Variants in PSMA1 observed in about 807,000 individuals in gnomAD.
PSMA1 encodes the protein proteasome 20S subunit alpha 1, also known as proteasome subunit alpha type-1.
Under a neutral mutation model 38.4 loss-of-function variants are expected in PSMA1, and 3 were observed. The ratio of observed to expected loss-of-function variants is 0.08; its 90% confidence interval spans 0.04 to 0.20. The LOEUF is 0.20. Among genes scored for constraint, PSMA1 ranks in the 10% least tolerant of loss-of-function variants. The pLI is 1.00. For missense variants in PSMA1, 227 were observed against 325.3 expected (o/e 0.70, Z 2.32); for synonymous variants, 101 against 107.1 (o/e 0.94, Z 0.35).
At chr11:14,632,310 G>A (rs1222475355) in intron 1 of PSMA1, among the ~76,000 whole-genome samples, 2 of 149,440 alleles carry the variant, frequency 1.3e-5, no homozygotes, top group Admixed American at 6.6e-5. Context: ...GGTACCGGTT[G>A]TTCCTTTCCA....
At chr11:14,514,127 T>C in intron 5 of PSMA1, 1 of 1,324,686 alleles carries the variant, frequency 7.5e-7, no homozygotes, top group Non-Finnish European at 9.6e-7. Context: ...TTGTTTTGGA[T>C]ACAAGGGGTC....
At chr11:14,641,016 G>A (rs1853192352) in intron 1 of PSMA1, among the ~76,000 whole-genome samples, 1 of 152,138 alleles carries the variant, frequency 6.6e-6, no homozygotes, top group South Asian at 2.1e-4. Flanking sequence ...CAGGAGAGTG[G>A]AGAGATCCAC....
At chr11:14,506,230 A>C (rs1333142447) in intron 9 of PSMA1, among the ~76,000 whole-genome samples, 2 of 152,184 alleles carry the variant, frequency 1.3e-5, no homozygotes, top group Non-Finnish European at 2.9e-5. Context: ...AATATCATTG[A>C]ACAATTCCAC....
chr11:14,597,758 CTCTGA>C (rs1265147160), intron 2 of PSMA1, among the ~76,000 whole-genome samples: 5 of 152,102 alleles, frequency 3.3e-5, no homozygotes, highest in South Asian at 2.1e-4. Flanking sequence ...TTCAGTTCTG[CTCTGA>C]TCTTAGTTAT....
Position 14,641,575 on chromosome 11 carries a change from G to A in PSMA1, c.-166+1880C>T, listed in dbSNP as rs541988914. ...GTTGGCCTTCAGAGGGATGCACTCCGACTATGGGTTATTGAAAGAGTTGGG... is the reference window on the plus strand; with the variant it reads ...GTTGGCCTTCAGAGGGATGCACTCCAACTATGGGTTATTGAAAGAGTTGGG... On this transcript the variant is annotated intron_variant, in intron 1 of 10. Coordinates refer to the PSMA1 transcript ENST00000418988. Among the ~76,000 whole-genome samples the A allele has an allele frequency of 5.9e-5, 9 of 152,296 alleles. No homozygotes were observed. In the South Asian group the frequency reaches 1.9e-3, roughly 32 times the overall value.
At chr11:14,583,631 A>G (rs1346866186) in intron 2 of PSMA1, among the ~76,000 whole-genome samples, 2 of 152,222 alleles carry the variant, frequency 1.3e-5, no homozygotes, top group Non-Finnish European at 2.9e-5. Flanking sequence ...TTTCCACCCA[A>G]GTGGACTCCA....
intron 1 of PSMA1, among the ~76,000 whole-genome samples, chr11:14,627,559 A>C (rs909139283): frequency 3.3e-5 from 5 of 152,176 alleles, no homozygotes; most frequent in Admixed American, 6.5e-5. Flanking sequence ...TCCACCAACT[A>C]CTAGATGTGT....
chr11:14,600,129 G>T (rs1313387593), intron 2 of PSMA1, among the ~76,000 whole-genome samples: 1 of 152,194 alleles, frequency 6.6e-6, no homozygotes. Flanking sequence ...TCGTCCCAGA[G>T]AGGCAGCCAC....
chr11:14,602,570 CT>C (rs1460247156), intron 2 of PSMA1, among the ~76,000 whole-genome samples: 1 of 151,740 alleles, frequency 6.6e-6, no homozygotes, highest in African/African-American at 2.4e-5. Flanking sequence ...GAAATTTGAC[CT>C]TTTTTTGATG....
chr11:14,557,262 G>A (rs541773236), intron 2 of PSMA1, among the ~76,000 whole-genome samples: 8 of 151,602 alleles, frequency 5.3e-5, no homozygotes, highest in East Asian at 1.9e-4. Context: ...TTTTTGAGAC[G>A]GAGTCTCACT....
At chr11:14,523,703 C>T (rs529719339), upstream of PSMA1, among the ~76,000 whole-genome samples, 11 of 151,952 alleles carry the variant, frequency 7.2e-5, no homozygotes, top group Admixed American at 6.6e-4. Context: ...CCTACCTCAG[C>T]CTCCCAAGTA....
At chr11:14,518,643 G>C (rs1407800950) in intron 2 of PSMA1, among the ~76,000 whole-genome samples, 1 of 152,030 alleles carries the variant, frequency 6.6e-6, no homozygotes, top group African/African-American at 2.4e-5. Flanking sequence ...CTTTCCACTT[G>C]CTCAACCTAC....
chr11:14,638,543 CTCTATATATATATATATATA>C (rs1431016880), intron 1 of PSMA1, among the ~76,000 whole-genome samples: 43 of 13,314 alleles, frequency 3.2e-3, no homozygotes, highest in Admixed American at 4.1e-3. Context: ...CTCTCTCTCT[CTCTATATATATATATATATA>C]TATATATATA....
chr11:14,591,097 C>T (rs929356767), intron 2 of PSMA1, among the ~76,000 whole-genome samples: 4 of 152,202 alleles, frequency 2.6e-5, no homozygotes, highest in Non-Finnish European at 4.4e-5. Context: ...CTGCGTGCAG[C>T]GCTTGCGGGC....
At chr11:14,593,690 A>G (rs1182337739) in intron 2 of PSMA1, among the ~76,000 whole-genome samples, 2 of 151,516 alleles carry the variant, frequency 1.3e-5, no homozygotes, top group Admixed American at 1.3e-4. Flanking sequence ...GGTCCTAATA[A>G]GAGAAAGGCA....
At chr11:14,521,777 A>AC (rs1429862674), upstream of PSMA1, among the ~76,000 whole-genome samples, 11 of 150,926 alleles carry the variant, frequency 7.3e-5, 1 homozygote, top group African/African-American at 2.7e-4. Flanking sequence ...AAAAAAAAAA[A>AC]ACAAAAAACA....
chr11:14,641,542 G>C (rs1853202013), intron 1 of PSMA1, among the ~76,000 whole-genome samples: 1 of 152,258 alleles, frequency 6.6e-6, no homozygotes, highest in South Asian at 2.1e-4. Flanking sequence ...AATTCTCTCA[G>C]GTGCTAGGTT....
At chr11:14,572,692 CAA>C (rs1229632078) in intron 2 of PSMA1, among the ~76,000 whole-genome samples, 1 of 151,990 alleles carries the variant, frequency 6.6e-6, no homozygotes, top group Admixed American at 6.6e-5. Flanking sequence ...GATAGAGACA[CAA>C]AAAACCCTTC....
At chr11:14,540,152 A>G (rs1438017266) in intron 2 of PSMA1, among the ~76,000 whole-genome samples, 1 of 151,860 alleles carries the variant, frequency 6.6e-6, no homozygotes, top group Admixed American at 6.6e-5. Flanking sequence ...TCAGATCTTC[A>G]CTCCCTTGTT....
Sources: gnomAD v4.1 joint callset for allele counts (sites outside exome capture counted in the v4.1 genomes callset) on GRCh38, gnomAD v4.1.1 for gene constraint, MANE v1.5 for transcripts, NCBI Gene and HGNC (gene_info 2026-07-23, HGNC 2026-07-21) for gene names.